The following APBA2 variants were observed in gnomAD, a reference collection of about 807,000 sequenced individuals.
APBA2 encodes the protein amyloid-beta A4 precursor protein-binding family A member 2.
APBA2 carries 30 observed loss-of-function variants against 75.0 expected under a neutral mutation model. The ratio of observed to expected loss-of-function variants is 0.40; its 90% CI spans 0.30 to 0.54. APBA2 has a LOEUF of 0.54. APBA2 is among the 20% of genes least tolerant of loss of function. The pLI is 0.49. For missense variants in APBA2, 801 were observed against 1,016.1 expected, an observed-to-expected ratio of 0.79 and a Z score of 2.88; for synonymous variants, 444 against 409.6, an observed-to-expected ratio of 1.08 and a Z score of -1.01.
At chr15:29,037,123 G>C (rs2040791254) in intron 3 of APBA2, among the ~76,000 whole-genome samples, 1 of 152,100 alleles carries the variant, frequency 6.6e-6, no homozygotes. Flanking sequence ...GGAGAAACTT[G>C]CTACTTAAAG....
intron 1 of APBA2, among the ~76,000 whole-genome samples, chr15:28,914,284 G>T (rs529909531): frequency 1.3e-5 from 2 of 152,032 alleles, no homozygotes; most frequent in East Asian, 3.9e-4. Flanking sequence ...TCACCTCCGA[G>T]CCTGGTGTAT....
At chr15:28,932,884 G>A (rs899986175) in intron 2 of APBA2, among the ~76,000 whole-genome samples, 1 of 152,158 alleles carries the variant, frequency 6.6e-6, no homozygotes, top group African/African-American at 2.4e-5. Flanking sequence ...TCTGTATTCT[G>A]CTGCTGAAAC....
intron 13 of APBA2, among the ~76,000 whole-genome samples, chr15:29,111,147 C>T (rs1001691464): frequency 1.3e-5 from 2 of 151,990 alleles, no homozygotes; most frequent in African/African-American, 4.8e-5. Flanking sequence ...GAGGGTGCCA[C>T]CCACGGCTCG....
intron 2 of APBA2, among the ~76,000 whole-genome samples, chr15:28,933,926 CTG>C (rs1300600187): frequency 6.6e-6 from 1 of 152,148 alleles, no homozygotes; most frequent in African/African-American, 2.4e-5. Context: ...GAAGAAGTGA[CTG>C]TGTGCCGAGG....
rs540629520 is a variant in APBA2 at position 29,053,186 on chromosome 15, C to T, written c.-40-659C>T. On this transcript the variant is annotated intron_variant, in intron 3 of 14. Transcript: ENST00000683413. ...TGCAGGCTGCGGCTGCACCCTTTGT[C>T]CTCTTCTCCCCATGGCCGAGCAGTG... Among the ~76,000 whole-genome samples, 33 of 152,314 alleles carry T rather than the reference C, an allele frequency of 2.2e-4. No individual in the cohort carries two copies. In the East Asian group the frequency reaches 6.2e-3, roughly 29 times the overall value.
intron 2 of APBA2, among the ~76,000 whole-genome samples, chr15:28,990,156 G>T (rs537537059): frequency 6.6e-6 from 1 of 152,152 alleles, no homozygotes; most frequent in Admixed American, 6.5e-5. Context: ...CGCTGGGCGC[G>T]GTGGGCACTT....
At chr15:28,930,088 G>A (rs1233664972) in intron 2 of APBA2, among the ~76,000 whole-genome samples, 1 of 152,196 alleles carries the variant, frequency 6.6e-6, no homozygotes, top group Middle Eastern at 3.2e-3. Context: ...GGTGGAAGGG[G>A]GGCAAAAGCT....
At chr15:29,112,280 C>T (rs2044774891) in intron 13 of APBA2, among the ~76,000 whole-genome samples, 1 of 152,220 alleles carries the variant, frequency 6.6e-6, no homozygotes, top group Admixed American at 6.5e-5. Context: ...TCTATCAGCT[C>T]CTGTCCCGAC....
chr15:29,097,074 G>A (rs548611799), intron 8 of APBA2, among the ~76,000 whole-genome samples: 3 of 152,368 alleles, frequency 2.0e-5, no homozygotes, highest in East Asian at 1.9e-4. Context: ...TCTCTCTGTC[G>A]CTGTGAGGAC....
chr15:28,916,464 C>G (rs2033696129), intron 1 of APBA2, among the ~76,000 whole-genome samples: 2 of 152,234 alleles, frequency 1.3e-5, no homozygotes, highest in Non-Finnish European at 2.9e-5. Flanking sequence ...GTACACATAT[C>G]TTTAATAAAG....
intron 12 of APBA2, among the ~76,000 whole-genome samples, chr15:29,107,637 G>C (rs772505345): frequency 3.3e-5 from 5 of 152,192 alleles, no homozygotes; most frequent in Non-Finnish European, 5.9e-5. Context: ...CATGGGAGAG[G>C]CCTCCACCAG....
intron 3 of APBA2, among the ~76,000 whole-genome samples, chr15:29,007,579 A>G (rs1341001237): frequency 1.3e-5 from 2 of 152,228 alleles, no homozygotes; most frequent in Non-Finnish European, 1.5e-5. Context: ...TTGAATAAAC[A>G]TTTCTCCACA....
intron 13 of APBA2, 166 bp downstream of exon 13, chr15:29,108,555 T>C (rs2044561520): frequency 1.9e-6 from 2 of 1,080,558 alleles, no homozygotes; most frequent in Middle Eastern, 2.0e-4. Flanking sequence ...TTTCCATGGC[T>C]CTCTGGGAGG....
intron 2 of APBA2, among the ~76,000 whole-genome samples, chr15:28,989,282 A>T (rs545114265): frequency 6.6e-6 from 1 of 152,162 alleles, no homozygotes; most frequent in Non-Finnish European, 1.5e-5. Flanking sequence ...CCCAGCTTCA[A>T]CACTTCCTGT....
rs201706043 is a variant in APBA2, at chr15:29,077,734, G to GA, written c.1069+1645dup. On this transcript the variant is annotated intron_variant, in intron 6 of 14. Transcript: ENST00000683413. ...AATTTATAGTTTCTTCTGTAGGAGA[G>GA]AAGCCCTTTGATTGTTATGAAAACA... Among the ~76,000 whole-genome samples, 118 of 152,336 alleles carry GA rather than the reference G, an allele frequency of 7.7e-4. 1 individual carries two copies. The East Asian group carries it at 0.011, about 14-fold the overall frequency.
chr15:29,046,681 C>T lies in APBA2; in HGVS notation c.-40-7164C>T, dbSNP rs990039191. On this transcript the variant is annotated intron_variant, in intron 3 of 14. Transcript: ENST00000683413. The surrounding 1 kb of genome is among the most constrained non-coding windows in gnomAD (Gnocchi z 5.0). ...CTTGGAATCTTGGGCCATGAACCTG[C>T]ACACTCTCCAGGTGGGCCTTGTGCC... 1.3e-5 allele frequency among the ~76,000 whole-genome samples: 2 copies of T among 152,244 alleles called. No individual in the cohort carries two copies. The highest frequency in any genetic ancestry group is 6.5e-5 in the Admixed American group (1 of 15,286).
At chr15:28,924,960 A>G (rs186300100) in intron 2 of APBA2, among the ~76,000 whole-genome samples, 22 of 152,212 alleles carry the variant, frequency 1.4e-4, no homozygotes, top group Admixed American at 1.4e-3. Flanking sequence ...CATGATGGCC[A>G]GTCTATGGGT....
rs1207976024 is a variant in APBA2 at position 29,013,226 on chromosome 15, T to A, written c.-41+17420T>A. Among the ~76,000 whole-genome samples the A allele has an allele frequency of 2.6e-5, 4 of 151,934 alleles. No individual in the cohort carries two copies. The East Asian group carries it at 5.8e-4, about 22-fold the overall frequency. On this transcript the variant is annotated intron_variant, in intron 3 of 14. Transcript: ENST00000683413. ...TGATGCTTTGCACCCATACAGCAAC[T>A]ATCCTGAGTAACGAAGATGTTATGT...
intron 3 of APBA2, among the ~76,000 whole-genome samples, chr15:29,053,562 A>G (rs143566456): frequency 6.6e-6 from 1 of 152,154 alleles, no homozygotes. Context: ...GAAGTCAGGA[A>G]TGAGCCGGTA....
Sources: allele counts gnomAD v4.1 joint callset (sites outside exome capture counted in the v4.1 genomes callset), GRCh38; gene constraint gnomAD v4.1.1; non-coding constraint Gnocchi (gnomAD v3.1); transcripts MANE v1.5; gene names NCBI Gene and HGNC (gene_info 2026-07-23, HGNC 2026-07-21).